HELLS: variants seen among roughly 807,000 people sequenced by gnomAD.
HELLS encodes the protein helicase, lymphoid specific.
In HELLS, 32 loss-of-function variants were observed where a neutral mutation model predicts 120.0. The observed-to-expected ratio is 0.27, with a 90% CI of 0.20 to 0.36. HELLS has a LOEUF of 0.36. Ranked by LOEUF, HELLS falls within the 10% of genes least tolerant of loss-of-function variation. The pLI is 1.00. For synonymous variants in HELLS, 341 were observed against 323.4 expected (o/e 1.05, Z -0.58); for missense variants, 650 against 993.4 (o/e 0.65, Z 4.65).
At chr10:94,560,864 T>C (rs1291605601) in intron 4 of HELLS, among the ~76,000 whole-genome samples, 1 of 152,062 alleles carries the variant, frequency 6.6e-6, no homozygotes, top group Non-Finnish European at 1.5e-5. Context: ...GAGACCAACC[T>C]GGCCAACATG....
rs1426934145 is a variant in HELLS at position 94,594,865 on chromosome 10, C to T, written c.2248+11C>T. The T allele has an allele frequency of 1.3e-6, 2 of 1,576,650 alleles. No homozygotes were observed. The highest frequency in any genetic ancestry group is 1.1e-5 in the South Asian group (1 of 89,650). On this transcript the variant is annotated intron_variant, in intron 19 of 21. Transcript: ENST00000348459. ...TGATCATCCATAAAAGTAAATAACA[C>T]TTATGTAGTGCTTTATTGTTTAAAT... is the stretch of plus-strand genomic sequence containing the variant.
intron 9 of HELLS, 90 bp from the exon 10 acceptor site, chr10:94,576,572 T>G (rs1844496234): frequency 1.5e-6 from 1 of 669,826 alleles, no homozygotes; most frequent in Non-Finnish European, 2.3e-6. Context: ...AAAATTATAT[T>G]TTTTCCCTCA....
At chr10:94,555,217 A>T (rs1050258467) in intron 3 of HELLS, among the ~76,000 whole-genome samples, 5 of 152,258 alleles carry the variant, frequency 3.3e-5, no homozygotes, top group African/African-American at 1.2e-4. Context: ...CAGACAGATC[A>T]CTTGAGCCCA....
intron 10 of HELLS, among the ~76,000 whole-genome samples, chr10:94,578,563 C>T (rs1364262692): frequency 6.6e-6 from 1 of 151,876 alleles, no homozygotes; most frequent in Non-Finnish European, 1.5e-5. Context: ...CAAAAATTAC[C>T]TGGGCATAGT....
chr10:94,592,200 T>C (rs758341343), intron 15 of HELLS, 29 bp from the exon 16 acceptor site: 13 of 1,501,228 alleles, frequency 8.7e-6, no homozygotes, highest in Non-Finnish European at 1.2e-5. Flanking sequence ...GTTTTCTCTC[T>C]ATTTTTTCTT....
intron 9 of HELLS, among the ~76,000 whole-genome samples, chr10:94,576,432 G>T (rs1474428786): frequency 6.6e-6 from 1 of 151,962 alleles, no homozygotes; most frequent in Non-Finnish European, 1.5e-5. Context: ...GATTATAGGT[G>T]TGAGCCATTG....
intron 21 of HELLS, among the ~76,000 whole-genome samples, chr10:94,598,553 T>A (rs539563667): frequency 4.6e-5 from 7 of 152,268 alleles, no homozygotes; most frequent in African/African-American, 1.7e-4. Context: ...GTTGTTCATT[T>A]TAAAATTCAA....
At chr10:94,563,338 C>T (rs918564459) in intron 6 of HELLS, among the ~76,000 whole-genome samples, 4 of 152,066 alleles carry the variant, frequency 2.6e-5, no homozygotes, top group Admixed American at 6.6e-5. Context: ...TAAGGTGATC[C>T]GCCCGCCTCG....
At chr10:94,564,273 G>A (rs899044261) in intron 6 of HELLS, among the ~76,000 whole-genome samples, 17 of 152,124 alleles carry the variant, frequency 1.1e-4, no homozygotes, top group South Asian at 2.1e-4. Flanking sequence ...TATATGTTGC[G>A]GAGAGTTGGG....
chr10:94,560,639 G>A (rs908465039), intron 4 of HELLS, among the ~76,000 whole-genome samples: 1 of 152,146 alleles, frequency 6.6e-6, no homozygotes, highest in Non-Finnish European at 1.5e-5. Context: ...AGAGGTTGCA[G>A]TGGGCCAAGA....
rs1845285575 is a variant in HELLS, at chr10:94,588,360, T to C, written c.1458T>C (p.Arg486=). 1.2e-6 allele frequency: 2 copies of C among 1,607,602 alleles called. No homozygotes were observed. Among genetic ancestry groups the C allele is most frequent in the Admixed American group, 1.7e-5 (1 of 58,950 alleles). Residue 486 remains arginine (R), a synonymous_variant, in exon 13 of 22, where the codon CGT becomes CGC. Transcript: ENST00000348459. Reference sequence around the variant, plus strand: ...TCTTTTATACAGCCATTGTGAACCGTACAATTGCAAACATGTTTGGATCCA... The same window carrying C: ...TCTTTTATACAGCCATTGTGAACCGCACAATTGCAAACATGTTTGGATCCA... ...QEIFYTAIVN[R]TIANMFGSSE...
chr10:94,605,949 TC>T (rs1846124246), downstream of HELLS, among the ~76,000 whole-genome samples: 1 of 152,164 alleles, frequency 6.6e-6, no homozygotes, highest in South Asian at 2.1e-4. Flanking sequence ...TGCTTTGATT[TC>T]CAGTCTGTTG....
rs200068683 is a variant in HELLS at position 94,581,536 on chromosome 10, T to C, written c.1229+14T>C. The C allele has an allele frequency of 6.4e-7, 1 of 1,566,596 alleles. No homozygotes were observed. Among genetic ancestry groups the C allele is most frequent in the East Asian group, 2.3e-5 (1 of 44,438 alleles). On this transcript the variant is annotated intron_variant, in intron 11 of 21. Transcript: ENST00000348459. ...TGACTTGAAAAGGTGGGTAAGCCAG[T>C]TATTTAATGATTTAACCTCAAAAAT...
At chr10:94,610,396 C>T (rs1399868483) in exon 10 of HELLS, 2 of 151,434 alleles carry the variant, frequency 1.3e-5, no homozygotes, top group African/African-American at 2.4e-5. Context: ...CGTCACTGCA[C>T]TCCAGTCTAG....
chr10:94,585,756 C>T (rs1238653193), intron 12 of HELLS, among the ~76,000 whole-genome samples: 6 of 150,082 alleles, frequency 4.0e-5, no homozygotes, highest in African/African-American at 1.5e-4. Context: ...GTGGTGCCAT[C>T]GTTGGTTATT....
intron 18 of HELLS, 51 bp from the exon 19 acceptor site, chr10:94,594,641 TATG>T: frequency 1.5e-6 from 2 of 1,350,570 alleles, no homozygotes; most frequent in Non-Finnish European, 2.0e-6. Flanking sequence ...CACATGAGTT[TATG>T]TTAATTTTAA....
At chr10:94,564,597 T>G (rs1242035705) in intron 6 of HELLS, among the ~76,000 whole-genome samples, 1 of 152,206 alleles carries the variant, frequency 6.6e-6, no homozygotes, top group Non-Finnish European at 1.5e-5. Context: ...CTTAGCATGT[T>G]TTTAATGTGT....
chr10:94,562,419 C>T (rs1465078846), intron 4 of HELLS, among the ~76,000 whole-genome samples: 3 of 151,830 alleles, frequency 2.0e-5, no homozygotes, highest in Non-Finnish European at 4.4e-5. Context: ...AACAAACAAA[C>T]GAAATGCCAA....
chr10:94,575,238 T>A (rs1422069127), intron 9 of HELLS, among the ~76,000 whole-genome samples: 1 of 151,736 alleles, frequency 6.6e-6, no homozygotes, highest in Non-Finnish European at 1.5e-5. Context: ...TAGCTGGGAT[T>A]ACAAGCATGT....
Sources: allele counts gnomAD v4.1 joint callset (sites outside exome capture counted in the v4.1 genomes callset), GRCh38; gene constraint gnomAD v4.1.1; transcripts MANE v1.5; gene names NCBI Gene and HGNC (gene_info 2026-07-23, HGNC 2026-07-21).